VDR: variants seen among roughly 807,000 people sequenced by gnomAD.
VDR encodes the protein vitamin D receptor.
A neutral mutation model predicts 39.7 loss-of-function variants in VDR; 19 were observed. That is an observed-to-expected ratio of 0.48 (90% confidence interval 0.33 to 0.70). The LOEUF is 0.70. VDR is among the 30% of genes least tolerant of loss of function. VDR has a pLI of 0.02. For synonymous variants in VDR, 242 were observed against 215.8 expected (o/e 1.12, Z -1.07); for missense variants, 442 against 570.5 (o/e 0.77, Z 2.29).
chr12:47,857,793 C>T, intron 4 of VDR, 105 bp from the exon 5 acceptor site: 1 of 1,295,136 alleles, frequency 7.7e-7, no homozygotes, highest in Non-Finnish European at 1.1e-6. Flanking sequence ...GGCTTTAACA[C>T]TCGGGGCTCC....
chr12:47,883,967 G>A (rs530405073), intron 1 of VDR, among the ~76,000 whole-genome samples: 1 of 152,246 alleles, frequency 6.6e-6, no homozygotes, highest in South Asian at 2.1e-4. Flanking sequence ...AGAAGCATGG[G>A]CAGTGGGAGG....
At position 47,855,738 on chromosome 12, in the gene VDR, G is replaced by A. The variant is rs201380371; in HGVS notation, c.647C>T (p.Ser216Phe). The change falls in exon 7 of 10, where the codon TCT becomes TTT. Residue 216 changes from serine to phenylalanine, a missense_variant. Ser to Phe is a radical substitution (Grantham distance 155). Coordinates refer to ENST00000549336, the MANE Select transcript of VDR (RefSeq NM_000376.3). ...GAGCTGGGACAGCTCTAGGGTCACA[G>A]AAGGGTCATCTGAATCTTCTTCACT... is the stretch of plus-strand genomic sequence containing the variant. ...DLSEEDSDDP[S>F]VTLELSQLSM... 1 of 1,614,210 alleles carries A rather than the reference G, an allele frequency of 6.2e-7. No homozygotes were observed. The highest frequency in any genetic ancestry group is 8.5e-7 in the Non-Finnish European group (1 of 1,180,022).
At chr12:47,848,165 G>T (rs1945315631) in intron 7 of VDR, among the ~76,000 whole-genome samples, 1 of 152,082 alleles carries the variant, frequency 6.6e-6, no homozygotes, top group African/African-American at 2.4e-5. Flanking sequence ...GCTTCCCAAA[G>T]TGCTGGGATT....
intron 4 of VDR, among the ~76,000 whole-genome samples, chr12:47,860,288 TC>T (rs899088745): frequency 2.0e-5 from 3 of 152,036 alleles, no homozygotes; most frequent in African/African-American, 7.3e-5. Context: ...TTCTTATATT[TC>T]CCCCATAAAG....
Position 47,846,468 on chromosome 12 carries a change from C to T in VDR, c.908-17G>A. The T allele has an allele frequency of 6.4e-7, 1 of 1,560,106 alleles. No individual in the cohort carries two copies. The highest frequency in any genetic ancestry group is 8.7e-7 in the Non-Finnish European group (1 of 1,152,148). ...TGTGTCCGGCTGTGAGAGACAATGGCCAGGTACTGCGGGCAGAGCTGAGGA... is the reference window on the plus strand; with the variant it reads ...TGTGTCCGGCTGTGAGAGACAATGGTCAGGTACTGCGGGCAGAGCTGAGGA... On this transcript the variant is annotated splice_polypyrimidine_tract_variant and intron_variant, in intron 8 of 9. Transcript: ENST00000549336.
rs374594675 is a variant in VDR at position 47,844,179 on chromosome 12, A to G, written c.*567T>C. On this transcript the variant is annotated 3_prime_UTR_variant, in exon 10 of 10. Transcript: ENST00000549336. ...CAGGTGGGTTCGTGCCTGGTGCTCC[A>G]GTGATGGGAAGAAAACCCACCTCAC... The G allele has an allele frequency of 4.2e-5, 7 of 167,582 alleles. No homozygotes were observed. Among genetic ancestry groups the G allele is most frequent in the East Asian group, 3.1e-4 (2 of 6,354 alleles). 10.4% of individuals were successfully genotyped at this position (167,582 alleles called of 1,614,324 possible).
At chr12:47,873,213 G>A (rs575747363) in intron 3 of VDR, among the ~76,000 whole-genome samples, 140 of 152,138 alleles carry the variant, frequency 9.2e-4, no homozygotes, top group African/African-American at 3.2e-3. Context: ...AAAGTGTGGC[G>A]CTTCCCCCTT....
chr12:47,850,402 G>C (rs1001070792), intron 7 of VDR, among the ~76,000 whole-genome samples: 1 of 151,986 alleles, frequency 6.6e-6, no homozygotes, highest in Non-Finnish European at 1.5e-5. Flanking sequence ...TGCTATCATA[G>C]GTAATTCTGG....
chr12:47,879,286 T>C (rs1348923796), intron 2 of VDR, among the ~76,000 whole-genome samples, 171 bp from the exon 3 acceptor site: 1 of 150,540 alleles, frequency 6.6e-6, no homozygotes, highest in Non-Finnish European at 1.5e-5. Context: ...CACAGTGCCT[T>C]CGGAGCCCTC....
At chr12:47,871,323 T>TTTCTTTCTTTCC (rs1484862714) in intron 3 of VDR, among the ~76,000 whole-genome samples, 54 of 143,596 alleles carry the variant, frequency 3.8e-4, no homozygotes, top group Middle Eastern at 3.4e-3. Flanking sequence ...TCTTTCTTTC[T>TTTCTTTCTTTCC]TTCTTTCTTT....
chr12:47,876,862 T>C (rs945439387), intron 3 of VDR, among the ~76,000 whole-genome samples: 2 of 152,188 alleles, frequency 1.3e-5, no homozygotes, highest in Non-Finnish European at 2.9e-5. Context: ...TGGCCTCCAA[T>C]GTGTCACCAC....
In VDR at chr12:47,857,603, C is replaced by G; in HGVS notation, c.363G>C (p.Arg121=). The change falls in exon 5 of 10, where the codon CGG becomes CGC. Residue 121 remains arginine (R), a synonymous_variant. Coordinates refer to ENST00000549336, the MANE Select transcript of VDR (RefSeq NM_000376.3). ...GCTGCTGCTCCTCAGACAGCTTGGG[C>G]CGCAGACTGTCCTTCAAGGCCTCCT... ...KEEEALKDSL[R]PKLSEEQQRI... is the part of the protein sequence containing the mutation. 4 of 1,614,200 alleles carry G rather than the reference C, an allele frequency of 2.5e-6. No homozygotes were observed. Among genetic ancestry groups the G allele is most frequent in the Non-Finnish European group, 3.4e-6 (4 of 1,180,036 alleles).
intron 1 of VDR, among the ~76,000 whole-genome samples, chr12:47,888,089 C>T (rs1029540429): frequency 5.3e-5 from 8 of 152,090 alleles, no homozygotes; most frequent in African/African-American, 1.2e-4. Context: ...AGTATCATGG[C>T]GGAAGGTGAA....
In VDR at chr12:47,864,953, G is replaced by T; in HGVS notation, c.277+94C>A. On this transcript the variant is annotated intron_variant, in intron 4 of 9. Coordinates refer to ENST00000549336, the MANE Select transcript of VDR (RefSeq NM_000376.3). ...TGCTGGCAGCTACAGAGGAAGGGCAGGCAGACCCTCTGCCCAAACTTGCAG... is the reference window on the plus strand; with the variant it reads ...TGCTGGCAGCTACAGAGGAAGGGCATGCAGACCCTCTGCCCAAACTTGCAG... 3.1e-6 allele frequency: 5 copies of T among 1,589,458 alleles called. 1 individual carries two copies. Among genetic ancestry groups the T allele is most frequent in the Non-Finnish European group, 4.3e-6 (5 of 1,166,894 alleles).
At chr12:47,892,191 C>T (rs560671676) in intron 1 of VDR, among the ~76,000 whole-genome samples, 197 of 152,316 alleles carry the variant, frequency 1.3e-3, no homozygotes, top group African/African-American at 4.6e-3. Flanking sequence ...CTGAGATGGG[C>T]AGGGCTGGGC....
intron 1 of VDR, among the ~76,000 whole-genome samples, chr12:47,885,665 T>G (rs1946238843): frequency 1.3e-5 from 2 of 152,196 alleles, no homozygotes; most frequent in South Asian, 4.1e-4. Flanking sequence ...AGCATGCAAC[T>G]CCAAGACTGG....
chr12:47,878,825 C>T (rs1946066915), intron 3 of VDR, 143 bp downstream of exon 3: 10 of 1,328,270 alleles, frequency 7.5e-6, no homozygotes, highest in South Asian at 1.2e-5. Flanking sequence ...CCAAGACCCT[C>T]CTGCTCCTGT....
chr12:47,892,726 G>C lies in VDR; in HGVS notation c.-83-9952C>G, dbSNP rs566356237. On this transcript the variant is annotated intron_variant, in intron 1 of 9. Transcript: ENST00000549336. Reference sequence around the variant, plus strand: ...AGTCTACCGCGGGTTGGGGGGTGGGGATGGGGGACAAACAGGAACCTCCAA... The same window carrying C: ...AGTCTACCGCGGGTTGGGGGGTGGGCATGGGGGACAAACAGGAACCTCCAA... Among the ~76,000 whole-genome samples the C allele has an allele frequency of 6.6e-5, 10 of 152,238 alleles. No homozygotes were observed. In the East Asian group the frequency reaches 1.9e-3, roughly 29 times the overall value.
chr12:47,869,340 T>C (rs1416402892), intron 3 of VDR, among the ~76,000 whole-genome samples: 2 of 151,294 alleles, frequency 1.3e-5, no homozygotes, highest in African/African-American at 4.9e-5. Context: ...ATCGAGACCA[T>C]TGTGGCTAAC....
Sources: allele counts gnomAD v4.1 joint callset (sites outside exome capture counted in the v4.1 genomes callset), GRCh38; gene constraint gnomAD v4.1.1; transcripts MANE v1.5; gene names NCBI Gene and HGNC (gene_info 2026-07-23, HGNC 2026-07-21).